The following DNER variants were observed in gnomAD, a reference collection of about 807,000 sequenced individuals.
DNER encodes the protein delta and Notch-like epidermal growth factor-related receptor.
In DNER, 33 loss-of-function variants were observed where a neutral mutation model predicts 78.2. The observed-to-expected ratio is 0.42, with a 90% confidence interval of 0.32 to 0.56. The LOEUF is 0.56. DNER is among the 20% of genes least tolerant of loss of function. The pLI, the probability that DNER is intolerant of heterozygous loss-of-function variation, is 0.11. For synonymous variants in DNER, 417 were observed against 384.8 expected, an observed-to-expected ratio of 1.08 and a Z score of -0.98; for missense variants, 918 against 975.3, an observed-to-expected ratio of 0.94 and a Z score of 0.78.
intron 1 of DNER, among the ~76,000 whole-genome samples, chr2:229,602,341 T>G (rs1697845652): frequency 6.6e-6 from 1 of 152,200 alleles, no homozygotes; most frequent in South Asian, 2.1e-4. Context: ...TTCTTTTATC[T>G]GATAAAGAGT....
chr2:229,443,989 G>A (rs534671307), intron 8 of DNER, among the ~76,000 whole-genome samples: 4 of 152,238 alleles, frequency 2.6e-5, no homozygotes, highest in Non-Finnish European at 4.4e-5. Context: ...CAACAAGAGG[G>A]CCCTGTCACG....
chr2:229,674,765 G>A (rs771408593), intron 1 of DNER, among the ~76,000 whole-genome samples: 10 of 152,174 alleles, frequency 6.6e-5, no homozygotes, highest in Non-Finnish European at 1.2e-4. Context: ...TGCTTTCACA[G>A]AACTTACTCT....
At chr2:229,609,462 C>A (rs1034340678) in intron 1 of DNER, among the ~76,000 whole-genome samples, 1 of 152,160 alleles carries the variant, frequency 6.6e-6, no homozygotes, top group Non-Finnish European at 1.5e-5. Context: ...AGTTTCAGTG[C>A]CCATCAATAA....
chr2:229,396,712 A>G (rs1351020569), intron 10 of DNER, among the ~76,000 whole-genome samples: 2 of 152,230 alleles, frequency 1.3e-5, no homozygotes, highest in Non-Finnish European at 2.9e-5. Context: ...GTTATCTGTC[A>G]TAGCTAAAAT....
chr2:229,653,409 C>G (rs184378421), intron 1 of DNER, among the ~76,000 whole-genome samples: 121 of 152,208 alleles, frequency 7.9e-4, no homozygotes, highest in Middle Eastern at 3.4e-3. Context: ...GTCCCAAGCC[C>G]AGCAGAAGAT....
At position 229,369,896 on chromosome 2, in the gene DNER, C is replaced by A. The variant is rs1195107992; in HGVS notation, c.1856-2777G>T. On this transcript the variant is annotated intron_variant, in intron 11 of 12. Coordinates refer to ENST00000341772, the MANE Select transcript of DNER (RefSeq NM_139072.4). ...AAAAGGATGCTTTCTCTACTTTACT[C>A]ACACCACCACCACCACCATTCCACA... 2.0e-5 allele frequency among the ~76,000 whole-genome samples: 3 copies of A among 152,268 alleles called. No homozygotes were observed. In the East Asian group the frequency reaches 5.8e-4, roughly 29 times the overall value.
At chr2:229,634,568 C>T (rs1336931516) in intron 1 of DNER, among the ~76,000 whole-genome samples, 5 of 152,060 alleles carry the variant, frequency 3.3e-5, no homozygotes, top group Admixed American at 1.3e-4. Flanking sequence ...TAATTACATC[C>T]GGAATTTGCT....
At chr2:229,431,596 A>G (rs1694007968) in intron 8 of DNER, among the ~76,000 whole-genome samples, 1 of 143,802 alleles carries the variant, frequency 7.0e-6, no homozygotes, top group Non-Finnish European at 1.5e-5. Context: ...AAAAAAAAAA[A>G]GTTACTCAGG....
chr2:229,441,681 G>A (rs1025179554), intron 8 of DNER, among the ~76,000 whole-genome samples: 5 of 152,272 alleles, frequency 3.3e-5, no homozygotes, highest in South Asian at 2.1e-4. Context: ...GGTATTTTGC[G>A]GGTTGCAGGG....
intron 7 of DNER, among the ~76,000 whole-genome samples, chr2:229,458,596 A>T (rs1694627312): frequency 1.3e-5 from 2 of 151,832 alleles, no homozygotes; most frequent in South Asian, 4.2e-4. Context: ...AACTCTCAGC[A>T]AACTAAAATA....
At chr2:229,705,231 A>G (rs545059467) in intron 1 of DNER, among the ~76,000 whole-genome samples, 1 of 152,346 alleles carries the variant, frequency 6.6e-6, no homozygotes, top group Admixed American at 6.5e-5. Flanking sequence ...TGCCTCCGAA[A>G]CCCAAAATGT....
chr2:229,401,479 A>C (rs931784267), intron 10 of DNER, among the ~76,000 whole-genome samples: 1 of 152,142 alleles, frequency 6.6e-6, no homozygotes, highest in Non-Finnish European at 1.5e-5. Flanking sequence ...CATACTTTGG[A>C]ATACTGCTCA....
intron 1 of DNER, among the ~76,000 whole-genome samples, chr2:229,610,820 G>A (rs977570964): frequency 3.9e-5 from 6 of 152,212 alleles, no homozygotes; most frequent in South Asian, 2.1e-4. Flanking sequence ...CAATGTGTAC[G>A]CTGCTTACAT....
At chr2:229,486,685 G>A (rs947084805) in intron 6 of DNER, among the ~76,000 whole-genome samples, 2 of 152,152 alleles carry the variant, frequency 1.3e-5, no homozygotes, top group South Asian at 2.1e-4. Context: ...CATGTCCTAG[G>A]TGGCTCAATA....
intron 7 of DNER, among the ~76,000 whole-genome samples, chr2:229,452,910 G>A (rs1020468539): frequency 6.6e-5 from 10 of 152,200 alleles, no homozygotes; most frequent in Non-Finnish European, 1.5e-4. Flanking sequence ...TTACAGGCGT[G>A]AGCCACCACA....
chr2:229,597,700 A>G (rs1433795593), intron 1 of DNER, among the ~76,000 whole-genome samples: 1 of 152,256 alleles, frequency 6.6e-6, no homozygotes, highest in Non-Finnish European at 1.5e-5. Flanking sequence ...CCCATGGGTT[A>G]ATGGTCTTCT....
chr2:229,558,427 A>C (rs1468801714), intron 4 of DNER, among the ~76,000 whole-genome samples: 6 of 152,158 alleles, frequency 3.9e-5, no homozygotes, highest in Admixed American at 3.9e-4. Context: ...CAAAAATGTC[A>C]AGGGTTCTTA....
chr2:229,393,843 T>C lies in DNER; in HGVS notation c.1724-5447A>G, dbSNP rs569391229. Among the ~76,000 whole-genome samples the C allele has an allele frequency of 3.4e-4, 52 of 151,124 alleles. 1 individual carries two copies. Among genetic ancestry groups the C allele is most frequent in the African/African-American group, 1.2e-3 (48 of 40,620 alleles). ...GCCTGGGCAACAGAGCGAGACTCCG[T>C]CTCAAAACAAAAACAAAAACAAAAA... On this transcript the variant is annotated intron_variant, in intron 10 of 12. Coordinates refer to ENST00000341772, the MANE Select transcript of DNER (RefSeq NM_139072.4).
intron 6 of DNER, 118 bp downstream of exon 6, chr2:229,512,665 G>T: frequency 7.2e-7 from 1 of 1,389,692 alleles, no homozygotes; most frequent in East Asian, 2.3e-5. Context: ...TCACCAAAAA[G>T]AACTTACTCA....
Sources: allele counts gnomAD v4.1 joint callset (sites outside exome capture counted in the v4.1 genomes callset), GRCh38; gene constraint gnomAD v4.1.1; transcripts MANE v1.5; gene names NCBI Gene and HGNC (gene_info 2026-07-23, HGNC 2026-07-21).